The following ABAT variants were observed in gnomAD, a reference collection of about 807,000 sequenced individuals.
ABAT encodes 4-aminobutyrate aminotransferase, mitochondrial.
ABAT carries 45 observed loss-of-function variants against 64.6 expected under a neutral mutation model. The ratio of observed to expected loss-of-function variants is 0.70; its 90% CI spans 0.55 to 0.89. The LOEUF (loss-of-function observed/expected upper bound fraction) is 0.89. Among genes scored for constraint, ABAT ranks in the 40% least tolerant of loss-of-function variants. The probability of loss-of-function intolerance (pLI) is 0.00; values close to 1 mark genes in which losing one functional copy is unlikely to be tolerated. For missense variants in ABAT, 633 were observed against 658.4 expected (o/e 0.96, Z 0.42); for synonymous variants, 297 against 250.5 (o/e 1.19, Z -1.75).
chr16:8,710,605 G>C (rs2058044763), intron 1 of ABAT, among the ~76,000 whole-genome samples: 1 of 151,658 alleles, frequency 6.6e-6, no homozygotes, highest in African/African-American at 2.4e-5. Flanking sequence ...AGGGGTGGTA[G>C]TGCATGCCTG....
At chr16:8,725,346 C>T (rs941552077) in intron 1 of ABAT, among the ~76,000 whole-genome samples, 1 of 152,162 alleles carries the variant, frequency 6.6e-6, no homozygotes, top group Non-Finnish European at 1.5e-5. Context: ...ACCCCGGAGA[C>T]CCCCGTACCC....
At chr16:8,696,398 G>A (rs1419645747) in intron 1 of ABAT, among the ~76,000 whole-genome samples, 3 of 152,114 alleles carry the variant, frequency 2.0e-5, no homozygotes, top group African/African-American at 2.4e-5. Flanking sequence ...TGAGGCAGAC[G>A]GATCACTTGA....
chr16:8,741,906 T>G (rs1303260196), intron 2 of ABAT, among the ~76,000 whole-genome samples: 1 of 152,250 alleles, frequency 6.6e-6, no homozygotes, highest in Admixed American at 6.5e-5. Context: ...TCTATATGGT[T>G]GTATTTAATT....
chr16:8,700,911 C>CTTTTTTTTTTTTTTTTTTCTTTTTTTTT (rs1174749864), intron 1 of ABAT, among the ~76,000 whole-genome samples: 1 of 131,566 alleles, frequency 7.6e-6, no homozygotes. Flanking sequence ...GGCCTTAATT[C>CTTTTTTTTTTTTTTTTTTCTTTTTTTTT]TTTTTTTTTT....
intron 1 of ABAT, among the ~76,000 whole-genome samples, chr16:8,729,475 C>G (rs908388890): frequency 6.6e-6 from 1 of 152,082 alleles, no homozygotes; most frequent in Non-Finnish European, 1.5e-5. Flanking sequence ...GGAGATTACC[C>G]TACTCCTATA....
chr16:8,741,158 T>C (rs181245760), intron 2 of ABAT, among the ~76,000 whole-genome samples: 100 of 152,394 alleles, frequency 6.6e-4, no homozygotes, highest in African/African-American at 2.3e-3. Context: ...TCTGGTCTTG[T>C]GTGTCAATAA....
chr16:8,781,644 T>G lies in ABAT; in HGVS notation c.*214T>G. ...CTCCCTGCAGAGCCAATGGTGCACA[T>G]TGGTTTAAGCCCAGAGATCCTGCTT... On this transcript the variant is annotated 3_prime_UTR_variant, in exon 16 of 16. Transcript: ENST00000268251. The surrounding 1 kb of genome is among the most constrained non-coding windows in gnomAD (Gnocchi z 4.5). 8 of 644,974 alleles carry G rather than the reference T, an allele frequency of 1.2e-5. No homozygotes were observed. The highest frequency in any genetic ancestry group is 6.2e-5 in the East Asian group (2 of 32,382). The allele number at this position is 644,974 out of a possible 1,614,324, so 40.0% of individuals were successfully genotyped here. A position where few individuals can be genotyped will look rare whatever the true frequency, so the allele number is the denominator to read the frequency against.
intron 3 of ABAT, 86 bp from the exon 4 acceptor site, chr16:8,748,022 C>A: frequency 2.2e-6 from 3 of 1,364,952 alleles, no homozygotes; most frequent in Admixed American, 1.8e-5. Flanking sequence ...AAAAAAATGC[C>A]AAGACTTGGG....
intron 3 of ABAT, among the ~76,000 whole-genome samples, chr16:8,746,756 G>A (rs886714467): frequency 3.3e-5 from 5 of 152,072 alleles, no homozygotes; most frequent in African/African-American, 1.2e-4. Flanking sequence ...TCACAGAGGA[G>A]ATGTATCAGT....
At chr16:8,747,473 T>G (rs1370365469) in intron 3 of ABAT, among the ~76,000 whole-genome samples, 12 of 152,198 alleles carry the variant, frequency 7.9e-5, no homozygotes, top group South Asian at 2.1e-4. Flanking sequence ...GGAGATAGAT[T>G]TTAATCTAGT....
chr16:8,774,774 G>T (rs769783764), intron 12 of ABAT, 116 bp from the exon 13 acceptor site: 12 of 1,328,876 alleles, frequency 9.0e-6, no homozygotes, highest in Non-Finnish European at 1.3e-5. Context: ...TTGCTCTTCA[G>T]AAAACAAGCA....
Position 8,772,839 on chromosome 16 carries a change from G to C in ABAT, c.876G>C (p.Val292=), listed in dbSNP as rs1343089698. 1 of 1,614,096 alleles carries C rather than the reference G, an allele frequency of 6.2e-7. No individual in the cohort carries two copies. The highest frequency in any genetic ancestry group is 1.1e-5 in the South Asian group (1 of 91,074). Residue 292 remains valine (V), a synonymous_variant, in exon 12 of 16, where the codon GTG becomes GTC. Transcript: ENST00000268251. ...AGAAGACGGTGGCCGGGATCATCGT[G>C]GAGCCCATCCAGTCCGAGGGTGGAG... ...KKKKTVAGII[V]EPIQSEGGDN... is the part of the protein sequence containing the mutation.
intron 1 of ABAT, among the ~76,000 whole-genome samples, chr16:8,710,056 G>A (rs58682310): frequency 0.012 from 1,798 of 151,296 alleles, 38 homozygotes; most frequent in African/African-American, 0.041. Flanking sequence ...CAAGGAATCC[G>A]CCCACTTTGG....
intron 1 of ABAT, chr16:8,683,479 G>A (rs2057380466): frequency 6.6e-6 from 1 of 151,588 alleles, no homozygotes; most frequent in Admixed American, 6.6e-5. Context: ...CTCCTGTGCT[G>A]ATCGGTAGTG....
intron 14 of ABAT, among the ~76,000 whole-genome samples, chr16:8,778,011 C>T (rs2060317092): frequency 6.6e-6 from 1 of 152,202 alleles, no homozygotes; most frequent in Admixed American, 6.5e-5. Context: ...CTGTCACCCC[C>T]AGAATAGGAC....
intron 9 of ABAT, among the ~76,000 whole-genome samples, chr16:8,767,043 A>G (rs12708689): frequency 0.81 from 123,322 of 152,148 alleles, 50,197 homozygotes; most frequent in Middle Eastern, 0.85. Flanking sequence ...GGTTTTTCCC[A>G]GAGGTCTCAG....
intron 1 of ABAT, among the ~76,000 whole-genome samples, chr16:8,690,254 T>G (rs2057550009): frequency 6.6e-6 from 1 of 152,176 alleles, no homozygotes; most frequent in South Asian, 2.1e-4. Flanking sequence ...GGCGAGTGTC[T>G]TGCTTGCTGG....
chr16:8,725,309 G>T (rs1468170807), intron 1 of ABAT, among the ~76,000 whole-genome samples: 1 of 152,016 alleles, frequency 6.6e-6, no homozygotes, highest in Non-Finnish European at 1.5e-5. Flanking sequence ...AGCCACCACC[G>T]CTATCTAATT....
chr16:8,680,226 T>C (rs1017700418), intron 1 of ABAT, among the ~76,000 whole-genome samples: 1 of 152,188 alleles, frequency 6.6e-6, no homozygotes, highest in Admixed American at 6.5e-5. Flanking sequence ...CACTGTTTGC[T>C]GGATTTCTTC....
Sources: allele counts gnomAD v4.1 joint callset (sites outside exome capture counted in the v4.1 genomes callset), GRCh38; gene constraint gnomAD v4.1.1; non-coding constraint Gnocchi (gnomAD v3.1); transcripts MANE v1.5; gene names NCBI Gene and HGNC (gene_info 2026-07-23, HGNC 2026-07-21).